Variants in DCSTAMP observed in about 807,000 individuals in gnomAD.
DCSTAMP encodes the protein dendritic cell-specific transmembrane protein.
A neutral mutation model predicts 33.8 loss-of-function variants in DCSTAMP; 25 were observed. That is an observed-to-expected ratio of 0.74 (90% CI 0.54 to 1.03). DCSTAMP has a LOEUF of 1.03. Ranked by LOEUF, DCSTAMP falls within the 50% of genes least tolerant of loss-of-function variation. The pLI, the probability that DCSTAMP is intolerant of heterozygous loss-of-function variation, is 0.00. For synonymous variants in DCSTAMP, 245 were observed against 216.7 expected (o/e 1.13, Z -1.15); for missense variants, 531 against 556.8 (o/e 0.95, Z 0.47).
intron 2 of DCSTAMP, among the ~76,000 whole-genome samples, chr8:104,353,275 C>T (rs566303048): frequency 6.6e-5 from 10 of 152,290 alleles, no homozygotes; most frequent in South Asian, 2.1e-4. Flanking sequence ...AATATTGAAA[C>T]GTTGGGGTGC....
intron 2 of DCSTAMP, among the ~76,000 whole-genome samples, chr8:104,353,496 C>T (rs940009084): frequency 2.0e-5 from 3 of 152,164 alleles, no homozygotes; most frequent in Non-Finnish European, 2.9e-5. Flanking sequence ...CTGACTCAAT[C>T]GATATGTTTG....
intron 2 of DCSTAMP, among the ~76,000 whole-genome samples, chr8:104,354,659 C>A (rs1810563675): frequency 6.6e-6 from 1 of 152,182 alleles, no homozygotes; most frequent in Non-Finnish European, 1.5e-5. Context: ...TGTATTTCTA[C>A]AAACCCATTT....
intron 1 of DCSTAMP, chr8:104,340,442 T>G (rs2099382590): frequency 6.6e-6 from 1 of 152,172 alleles, no homozygotes; most frequent in Non-Finnish European, 1.5e-5. Flanking sequence ...AACCACATTG[T>G]AAGTTTGCAA....
intron 1 of DCSTAMP, among the ~76,000 whole-genome samples, chr8:104,344,394 C>T (rs910160212): frequency 6.6e-6 from 1 of 152,066 alleles, no homozygotes; most frequent in Non-Finnish European, 1.5e-5. Context: ...ATTTCTCAGT[C>T]GCATGAGCCC....
At chr8:104,352,600 G>A (rs1326599830) in intron 2 of DCSTAMP, among the ~76,000 whole-genome samples, 1 of 151,228 alleles carries the variant, frequency 6.6e-6, no homozygotes, top group African/African-American at 2.4e-5. Context: ...TAGATAGAGG[G>A]GAAAAAAAAA....
chr8:104,355,735 G>A (rs564052403), intron 3 of DCSTAMP, among the ~76,000 whole-genome samples: 1 of 152,230 alleles, frequency 6.6e-6, no homozygotes, highest in Admixed American at 6.5e-5. Flanking sequence ...GGAATGGTAA[G>A]AAAAATTAGA....
At chr8:104,351,532 G>A (rs941762670) in intron 2 of DCSTAMP, among the ~76,000 whole-genome samples, 1 of 152,196 alleles carries the variant, frequency 6.6e-6, no homozygotes, top group African/African-American at 2.4e-5. Context: ...AAAGACTATC[G>A]CATAGGCAGA....
intron 2 of DCSTAMP, among the ~76,000 whole-genome samples, chr8:104,354,359 G>A (rs1184095153): frequency 6.6e-6 from 1 of 152,152 alleles, no homozygotes; most frequent in African/African-American, 2.4e-5. Context: ...AAGGGGTATT[G>A]GGAGGATATG....
At chr8:104,351,399 T>C (rs1810460543) in intron 2 of DCSTAMP, among the ~76,000 whole-genome samples, 1 of 152,144 alleles carries the variant, frequency 6.6e-6, no homozygotes, top group African/African-American at 2.4e-5. Context: ...AACCCCAAAA[T>C]TGGGGCTTAG....
At position 104,356,185 on chromosome 8, in the gene DCSTAMP, C is replaced by G; in HGVS notation, c.1400C>G (p.Ala467Gly). ...AAGAAGCAAATGGACATGGCAAGTGCAGACAAGTCATGAGAGACCCCGACT... is the reference window on the plus strand; with the variant it reads ...AAGAAGCAAATGGACATGGCAAGTGGAGACAAGTCATGAGAGACCCCGACT... ...IRKKQMDMAS[A>G]DKS Residue 467 changes from alanine (A) to glycine (G), a missense_variant, in exon 4 of 4, where the codon GCA becomes GGA. Physicochemically the swap from Ala to Gly is moderately conservative, Grantham distance 60. Transcript: ENST00000297581. 1 of 1,612,442 alleles carries G rather than the reference C, an allele frequency of 6.2e-7. No individual in the cohort carries two copies. The highest frequency in any genetic ancestry group is 2.2e-5 in the East Asian group (1 of 44,742).
chr8:104,350,925 C>G (rs1810443947), intron 2 of DCSTAMP, among the ~76,000 whole-genome samples: 1 of 152,162 alleles, frequency 6.6e-6, no homozygotes, highest in Non-Finnish European at 1.5e-5. Flanking sequence ...TTCTAATGTG[C>G]AGCCAAGATT....
chr8:104,351,348 G>T (rs1197268746), intron 2 of DCSTAMP, among the ~76,000 whole-genome samples: 1 of 152,218 alleles, frequency 6.6e-6, no homozygotes, highest in Non-Finnish European at 1.5e-5. Flanking sequence ...TGCATGCTGG[G>T]TTAAGTACAC....
chr8:104,346,467 C>T (rs903438364), intron 1 of DCSTAMP, among the ~76,000 whole-genome samples: 2 of 152,326 alleles, frequency 1.3e-5, no homozygotes, highest in East Asian at 3.9e-4. Context: ...CTATCTTCAC[C>T]CTTCAGTCCA....
Position 104,356,168 on chromosome 8 carries a change from A to G in DCSTAMP, c.1383A>G (p.Gln461=). 5 of 1,613,102 alleles carry G rather than the reference A, an allele frequency of 3.1e-6. No individual in the cohort carries two copies. The highest frequency in any genetic ancestry group is 4.2e-6 in the Non-Finnish European group (5 of 1,179,536). Residue 461 remains glutamine, a synonymous_variant, in exon 4 of 4, where the codon CAA becomes CAG. Coordinates refer to ENST00000297581, the MANE Select transcript of DCSTAMP (RefSeq NM_030788.4). ...TCCTGAAAATGATTAGGAAGAAGCA[A>G]ATGGACATGGCAAGTGCAGACAAGT... ...LPVLKMIRKK[Q]MDMASADKS
At chr8:104,345,204 G>A (rs78047308) in intron 1 of DCSTAMP, among the ~76,000 whole-genome samples, 8,400 of 152,148 alleles carry the variant, frequency 0.055, 517 homozygotes, top group East Asian at 0.22. Context: ...GGAATGAGTT[G>A]CATTTACTGG....
chr8:104,353,271 G>A (rs1387291027), intron 2 of DCSTAMP, among the ~76,000 whole-genome samples: 1 of 152,176 alleles, frequency 6.6e-6, no homozygotes, highest in Non-Finnish European at 1.5e-5. Context: ...TATAAATATT[G>A]AAACGTTGGG....
intron 2 of DCSTAMP, among the ~76,000 whole-genome samples, chr8:104,353,490 C>T (rs1478620268): frequency 2.0e-5 from 3 of 152,198 alleles, no homozygotes; most frequent in Non-Finnish European, 4.4e-5. Flanking sequence ...TCATCACTGA[C>T]TCAATCGATA....
At chr8:104,351,029 G>A (rs933596637) in intron 2 of DCSTAMP, among the ~76,000 whole-genome samples, 2 of 152,164 alleles carry the variant, frequency 1.3e-5, no homozygotes, top group Admixed American at 1.3e-4. Flanking sequence ...ATCTTCATTA[G>A]CCAGGATAGC....
chr8:104,344,955 T>C (rs547419956), intron 1 of DCSTAMP, among the ~76,000 whole-genome samples: 1 of 152,114 alleles, frequency 6.6e-6, no homozygotes, highest in South Asian at 2.1e-4. Flanking sequence ...CTATCTCTTT[T>C]TTTGTAGTTG....
Sources: gnomAD v4.1 joint callset for allele counts (sites outside exome capture counted in the v4.1 genomes callset) on GRCh38, gnomAD v4.1.1 for gene constraint, MANE v1.5 for transcripts, NCBI Gene and HGNC (gene_info 2026-07-23, HGNC 2026-07-21) for gene names.